ULK4: variants seen among roughly 807,000 people sequenced by gnomAD.
The protein encoded by ULK4 is unc-51 like kinase 4, also known as inactive serine/threonine-protein kinase ULK4.
Under a neutral mutation model 160.6 loss-of-function variants are expected in ULK4, and 133 were observed. The observed-to-expected ratio is 0.83, with a 90% CI of 0.72 to 0.96. The LOEUF is 0.96. ULK4 is among the 40% of genes least tolerant of loss of function. The probability of loss-of-function intolerance (pLI) is 0.00; values close to 1 mark genes in which losing one functional copy is unlikely to be tolerated. For synonymous variants in ULK4, 534 were observed against 539.8 expected (o/e 0.99, Z 0.15); for missense variants, 1,580 against 1,499.5 (o/e 1.05, Z -0.89).
chr3:41,322,381 G>A (rs778973588), intron 35 of ULK4, among the ~76,000 whole-genome samples: 3 of 152,022 alleles, frequency 2.0e-5, no homozygotes, highest in African/African-American at 2.4e-5. Context: ...ACTTGCCTCC[G>A]TCTCTCCCTC....
chr3:41,765,316 C>T (rs562510385), intron 21 of ULK4, among the ~76,000 whole-genome samples: 6 of 152,186 alleles, frequency 3.9e-5, no homozygotes, highest in African/African-American at 1.4e-4. Flanking sequence ...GGACAGAAAA[C>T]CAAACACCGC....
chr3:41,533,250 T>G (rs1352344581), intron 32 of ULK4, among the ~76,000 whole-genome samples: 1 of 152,174 alleles, frequency 6.6e-6, no homozygotes, highest in Non-Finnish European at 1.5e-5. Flanking sequence ...TATGTGTTAT[T>G]TTAAGTCGCT....
intron 30 of ULK4, among the ~76,000 whole-genome samples, chr3:41,617,667 A>G (rs548469895): frequency 1.3e-5 from 2 of 152,362 alleles, no homozygotes; most frequent in East Asian, 3.9e-4. Flanking sequence ...GATGAGGGAA[A>G]GTCAGCACAA....
intron 21 of ULK4, among the ~76,000 whole-genome samples, chr3:41,773,395 G>C (rs1397041031): frequency 6.6e-6 from 1 of 152,096 alleles, no homozygotes; most frequent in Admixed American, 6.6e-5. Context: ...AAATCAACGT[G>C]CAAAAATCAC....
intron 2 of ULK4, among the ~76,000 whole-genome samples, chr3:41,953,084 T>A (rs1432986981): frequency 2.0e-5 from 3 of 151,708 alleles, no homozygotes; most frequent in Non-Finnish European, 4.4e-5. Context: ...AGAGCTTCAG[T>A]TTTACAAGAT....
At position 41,717,808 on chromosome 3, in the gene ULK4, T is replaced by A. The variant is rs1246027736; in HGVS notation, c.2375A>T (p.Gln792Leu). The A allele has an allele frequency of 1.1e-5, 18 of 1,614,044 alleles. No individual in the cohort carries two copies. The highest frequency in any genetic ancestry group is 1.5e-5 in the Non-Finnish European group (18 of 1,180,018). The change falls in exon 23 of 37, where the codon CAG becomes CTG. Residue 792 changes from glutamine (Q) to leucine (L), a missense_variant. Transcript: ENST00000301831. Reference sequence around the variant, plus strand: ...GGACAGGTATTCATTGCCACTTTGCTGCTCCTTGCCTGGAGTGGTCTTTCT... The same window carrying A: ...GGACAGGTATTCATTGCCACTTTGCAGCTCCTTGCCTGGAGTGGTCTTTCT... ...DSRKTTPGKE[Q>L]QSGNEYLSKC...
chr3:41,345,986 C>A (rs990753501), intron 35 of ULK4, among the ~76,000 whole-genome samples: 2 of 151,506 alleles, frequency 1.3e-5, no homozygotes, highest in Non-Finnish European at 2.9e-5. Flanking sequence ...GGGAAGAGCC[C>A]AAAGGTACAG....
At chr3:41,398,366 T>C in intron 34 of ULK4, 102 bp from the exon 35 acceptor site, 1 of 1,159,528 alleles carries the variant, frequency 8.6e-7, no homozygotes, top group Non-Finnish European at 1.2e-6. Context: ...TCAGCCTGAG[T>C]AGTCTGCTGA....
chr3:41,276,630 A>G (rs1299942860), intron 35 of ULK4, among the ~76,000 whole-genome samples: 1 of 152,280 alleles, frequency 6.6e-6, no homozygotes, highest in Non-Finnish European at 1.5e-5. Flanking sequence ...GCAAGGAAAC[A>G]GCTAATTATA....
chr3:41,860,482 T>C (rs1400328916), intron 17 of ULK4, among the ~76,000 whole-genome samples: 1 of 152,242 alleles, frequency 6.6e-6, no homozygotes, highest in Non-Finnish European at 1.5e-5. Context: ...GTGACCTTCT[T>C]TGGCTCCTCT....
intron 5 of ULK4, among the ~76,000 whole-genome samples, chr3:41,931,262 G>T (rs865899881): frequency 2.6e-5 from 4 of 151,924 alleles, no homozygotes; most frequent in Non-Finnish European, 5.9e-5. Context: ...ATTCTCACTC[G>T]TAAGTGGGAG....
intron 20 of ULK4, among the ~76,000 whole-genome samples, chr3:41,799,340 G>A (rs898070068): frequency 6.6e-6 from 1 of 152,092 alleles, no homozygotes; most frequent in African/African-American, 2.4e-5. Context: ...TTTACACCAC[G>A]TTATTATAGC....
intron 12 of ULK4, among the ~76,000 whole-genome samples, chr3:41,905,241 T>A (rs1466539326): frequency 1.3e-5 from 2 of 152,156 alleles, no homozygotes; most frequent in Non-Finnish European, 2.9e-5. Context: ...AGAATAAGCT[T>A]TTCAACAGAT....
intron 35 of ULK4, among the ~76,000 whole-genome samples, chr3:41,265,833 C>T (rs2079022016): frequency 1.3e-5 from 2 of 152,100 alleles, no homozygotes; most frequent in African/African-American, 4.8e-5. Flanking sequence ...GGGTTTTTAC[C>T]TCCAAGAGAC....
chr3:41,603,539 A>AC (rs934218572), intron 31 of ULK4, among the ~76,000 whole-genome samples: 7 of 152,110 alleles, frequency 4.6e-5, no homozygotes, highest in Admixed American at 2.0e-4. Context: ...AATAGAATAC[A>AC]CATTTTTTTT....
chr3:41,368,651 G>C (rs947216251), intron 35 of ULK4, among the ~76,000 whole-genome samples: 1 of 152,090 alleles, frequency 6.6e-6, no homozygotes, highest in African/African-American at 2.4e-5. Flanking sequence ...GTGGTGCTTT[G>C]TGTCTGTCTT....
At chr3:41,719,818 T>C (rs1020416003) in intron 22 of ULK4, among the ~76,000 whole-genome samples, 5 of 152,194 alleles carry the variant, frequency 3.3e-5, no homozygotes, top group African/African-American at 1.2e-4. Context: ...TGGCATCTCA[T>C]TGTTCTTCAC....
intron 1 of ULK4, among the ~76,000 whole-genome samples, chr3:41,959,521 C>CA (rs1033325669): frequency 6.0e-5 from 9 of 150,358 alleles, no homozygotes; most frequent in East Asian, 5.8e-4. Context: ...GACTCCATAT[C>CA]AAAAAAAATA....
intron 32 of ULK4, among the ~76,000 whole-genome samples, chr3:41,558,221 C>T (rs1795354): frequency 0.43 from 65,979 of 151,996 alleles, 15,540 homozygotes; most frequent in Middle Eastern, 0.56. Context: ...ATATCTACCA[C>T]TGAGGCTGTG....
Sources: allele counts gnomAD v4.1 joint callset (sites outside exome capture counted in the v4.1 genomes callset), GRCh38; gene constraint gnomAD v4.1.1; transcripts MANE v1.5; gene names NCBI Gene and HGNC (gene_info 2026-07-23, HGNC 2026-07-21).